KHDRBS2: variants seen among roughly 807,000 people sequenced by gnomAD.
KHDRBS2 encodes the protein KH RNA binding domain containing, signal transduction associated 2, also known as KH domain-containing, RNA-binding, signal transduction-associated protein 2.
A neutral mutation model predicts 44.3 loss-of-function variants in KHDRBS2; 26 were observed. That is an observed-to-expected ratio of 0.59 (90% CI 0.43 to 0.81). KHDRBS2 has a LOEUF of 0.81. Among genes scored for constraint, KHDRBS2 ranks in the 40% least tolerant of loss-of-function variants. The pLI, the probability that KHDRBS2 is intolerant of heterozygous loss-of-function variation, is 0.00. For synonymous variants in KHDRBS2, 194 were observed against 151.1 expected (o/e 1.28, Z -2.08); for missense variants, 476 against 433.1 (o/e 1.10, Z -0.88).
intron 6 of KHDRBS2, among the ~76,000 whole-genome samples, chr6:61,770,437 A>G (rs1301841071): frequency 6.6e-6 from 1 of 152,080 alleles, no homozygotes; most frequent in East Asian, 1.9e-4. Flanking sequence ...AAAAGCTTTG[A>G]AAAAAAATTA....
intron 7 of KHDRBS2, among the ~76,000 whole-genome samples, chr6:61,709,366 T>C (rs1770113765): frequency 6.6e-6 from 1 of 151,644 alleles, no homozygotes; most frequent in South Asian, 2.1e-4. Context: ...AGATAGATGA[T>C]CTATATAAGG....
intron 4 of KHDRBS2, among the ~76,000 whole-genome samples, chr6:61,936,472 C>G (rs896111512): frequency 6.6e-6 from 1 of 151,950 alleles, no homozygotes; most frequent in Admixed American, 6.6e-5. Flanking sequence ...CTCTACATTG[C>G]TTTAACCATA....
chr6:62,146,205 C>A (rs1450259825), intron 2 of KHDRBS2, among the ~76,000 whole-genome samples: 1 of 151,732 alleles, frequency 6.6e-6, no homozygotes, highest in African/African-American at 2.4e-5. Context: ...CTCAGAGTAT[C>A]ATTGATTATT....
chr6:61,659,476 TG>T, the KHDRBS2 span, among the ~76,000 whole-genome samples: 1 of 151,876 alleles, frequency 6.6e-6, no homozygotes, highest in South Asian at 2.1e-4. Context: ...TCAAATGTTC[TG>T]CCTTGCACTG....
intron 3 of KHDRBS2, among the ~76,000 whole-genome samples, chr6:62,024,403 C>A (rs180897488): frequency 2.8e-4 from 42 of 151,540 alleles, no homozygotes; most frequent in African/African-American, 8.9e-4. Flanking sequence ...CAGGCATGTG[C>A]ATAGTAACTG....
chr6:62,102,665 A>G (rs1427115364), intron 2 of KHDRBS2, among the ~76,000 whole-genome samples: 1 of 152,072 alleles, frequency 6.6e-6, no homozygotes, highest in Non-Finnish European at 1.5e-5. Context: ...TTCCTGTCAC[A>G]TGGGGTGGCT....
chr6:62,115,212 G>A (rs1805932100), intron 2 of KHDRBS2, among the ~76,000 whole-genome samples: 1 of 152,128 alleles, frequency 6.6e-6, no homozygotes, highest in African/African-American at 2.4e-5. Flanking sequence ...ACTGGTTTGA[G>A]TATGAAGCAC....
intron 6 of KHDRBS2, among the ~76,000 whole-genome samples, chr6:61,881,384 TA>T (rs757922540): frequency 1.3e-5 from 2 of 151,972 alleles, no homozygotes; most frequent in Non-Finnish European, 2.9e-5. Flanking sequence ...GACCTTTTTT[TA>T]ATATTCAAAA....
At chr6:61,697,744 C>T (rs868410735) in intron 7 of KHDRBS2, among the ~76,000 whole-genome samples, 3 of 151,986 alleles carry the variant, frequency 2.0e-5, no homozygotes, top group African/African-American at 7.2e-5. Flanking sequence ...TTGTTTCACT[C>T]GATATTTTGC....
At chr6:61,549,171 A>G in the KHDRBS2 span, among the ~76,000 whole-genome samples, 1 of 152,194 alleles carries the variant, frequency 6.6e-6, no homozygotes, top group Non-Finnish European at 1.5e-5. Flanking sequence ...AACAATGAAA[A>G]TAGATATTGG....
At chr6:61,735,141 A>T (rs1027515636) in intron 6 of KHDRBS2, among the ~76,000 whole-genome samples, 27 of 151,810 alleles carry the variant, frequency 1.8e-4, no homozygotes, top group Non-Finnish European at 3.8e-4. Flanking sequence ...TTTTGTTTTC[A>T]TTTTTTTGGT....
intron 6 of KHDRBS2, among the ~76,000 whole-genome samples, chr6:61,773,275 T>A (rs1781308430): frequency 6.6e-6 from 1 of 152,216 alleles, no homozygotes; most frequent in African/African-American, 2.4e-5. Context: ...AAAGTGTTCC[T>A]ATATCTCCAC....
chr6:61,829,563 A>T (rs1487560081), intron 6 of KHDRBS2, among the ~76,000 whole-genome samples: 1 of 152,094 alleles, frequency 6.6e-6, no homozygotes, highest in African/African-American at 2.4e-5. Flanking sequence ...TAAAAAAAAA[A>T]CCTAGTAAAA....
chr6:61,932,207 A>C (rs1285190920), intron 4 of KHDRBS2, among the ~76,000 whole-genome samples: 1 of 152,184 alleles, frequency 6.6e-6, no homozygotes, highest in African/African-American at 2.4e-5. Flanking sequence ...TTAAGGGTCA[A>C]CTATACATAT....
intron 2 of KHDRBS2, among the ~76,000 whole-genome samples, chr6:62,101,887 CA>C (rs1801980945): frequency 6.6e-6 from 1 of 152,260 alleles, no homozygotes; most frequent in African/African-American, 2.4e-5. Flanking sequence ...TTCAAAGAAA[CA>C]ATTATATTAA....
At chr6:61,960,081 T>C (rs1169640219) in intron 4 of KHDRBS2, among the ~76,000 whole-genome samples, 2 of 54,808 alleles carry the variant, frequency 3.6e-5, no homozygotes, top group Non-Finnish European at 6.7e-5. Context: ...AATATTTCCC[T>C]GTACTTTTCA....
chr6:61,902,318 C>A (rs1300648773), intron 4 of KHDRBS2, among the ~76,000 whole-genome samples: 2 of 151,978 alleles, frequency 1.3e-5, no homozygotes, highest in East Asian at 1.9e-4. Context: ...AAAGTGAGAG[C>A]CAGAGAAAAA....
chr6:62,009,273 T>C (rs751571656), intron 3 of KHDRBS2, among the ~76,000 whole-genome samples: 1 of 152,114 alleles, frequency 6.6e-6, no homozygotes, highest in African/African-American at 2.4e-5. Context: ...CCCTAGAGAT[T>C]TGTGGAACTT....
chr6:61,785,908 G>C (rs532113438), intron 6 of KHDRBS2, among the ~76,000 whole-genome samples: 218 of 152,032 alleles, frequency 1.4e-3, no homozygotes, highest in African/African-American at 5.1e-3. Flanking sequence ...ATTGTATTCA[G>C]TTTAACTTAT....
Sources: gnomAD v4.1 joint callset for allele counts (sites outside exome capture counted in the v4.1 genomes callset) on GRCh38, gnomAD v4.1.1 for gene constraint, MANE v1.5 for transcripts, NCBI Gene and HGNC (gene_info 2026-07-23, HGNC 2026-07-21) for gene names.